Variants in ARHGAP6 observed in about 807,000 individuals in gnomAD.
ARHGAP6 encodes Rho GTPase activating protein 6.
A neutral mutation model predicts 55.7 loss-of-function variants in ARHGAP6; 16 were observed. The observed-to-expected ratio is 0.29, with a 90% CI of 0.19 to 0.44. The LOEUF is 0.44. ARHGAP6 is among the 20% of genes least tolerant of loss of function. ARHGAP6 has a pLI of 1.00. For synonymous variants in ARHGAP6, 382 were observed against 360.9 expected (o/e 1.06, Z -0.66); for missense variants, 698 against 808.9 (o/e 0.86, Z 1.66).
At chrX:11,624,896 T>C (rs1487070503) in intron 1 of ARHGAP6, among the ~76,000 whole-genome samples, 1 of 111,264 alleles carries the variant, frequency 9.0e-6, no homozygotes, top group African/African-American at 3.3e-5. Flanking sequence ...GGCCAACAGG[T>C]ATATGAAAAA....
intron 1 of ARHGAP6, among the ~76,000 whole-genome samples, chrX:11,618,728 G>A (rs1279526969): frequency 1.8e-5 from 2 of 112,248 alleles, no homozygotes; most frequent in Non-Finnish European, 3.8e-5. Context: ...TTTTCCTGTA[G>A]ATAAACAAAT....
intron 1 of ARHGAP6, among the ~76,000 whole-genome samples, chrX:11,429,719 ACATGTC>A (rs1020109717): frequency 1.3e-4 from 14 of 111,431 alleles, no homozygotes; most frequent in African/African-American, 4.2e-4. Context: ...TTGCTCTGTG[ACATGTC>A]CAGGCAGAGC....
intron 1 of ARHGAP6, among the ~76,000 whole-genome samples, chrX:11,403,303 G>A (rs2049572522): frequency 1.8e-5 from 2 of 111,282 alleles, no homozygotes; most frequent in South Asian, 7.6e-4. Context: ...TCTTTTGGTT[G>A]CTCATTCAGT....
chrX:11,573,453 C>T (rs1268796151), intron 1 of ARHGAP6, among the ~76,000 whole-genome samples: 8 of 110,259 alleles, frequency 7.3e-5, no homozygotes, highest in African/African-American at 2.3e-4. Context: ...ATCCTTTCCC[C>T]GTTGCTTGTT....
chrX:11,212,087 TCTC>T (rs2046810914), intron 2 of ARHGAP6, among the ~76,000 whole-genome samples: 1 of 111,371 alleles, frequency 9.0e-6, no homozygotes, highest in Non-Finnish European at 1.9e-5. Flanking sequence ...ACAGAATGTG[TCTC>T]CTAATTTGTT....
chrX:11,543,615 A>C (rs1254865112), intron 1 of ARHGAP6, among the ~76,000 whole-genome samples: 2 of 112,294 alleles, frequency 1.8e-5, no homozygotes, highest in African/African-American at 6.5e-5. Context: ...TGAGACCATA[A>C]AAACTCCAAA....
intron 1 of ARHGAP6, among the ~76,000 whole-genome samples, chrX:11,634,077 T>A (rs1047054567): frequency 2.3e-5 from 2 of 85,878 alleles, no homozygotes; most frequent in Non-Finnish European, 4.4e-5. Flanking sequence ...TGCTTGGCTA[T>A]TTTTTTTTTT....
chrX:11,476,389 A>T (rs1452278303), intron 1 of ARHGAP6, among the ~76,000 whole-genome samples: 1 of 111,955 alleles, frequency 8.9e-6, no homozygotes, highest in African/African-American at 3.2e-5. Context: ...TTACTGAGGA[A>T]AGAAAAAAGA....
chrX:11,395,567 T>C (rs1468215258), intron 1 of ARHGAP6, among the ~76,000 whole-genome samples: 1 of 112,122 alleles, frequency 8.9e-6, no homozygotes, highest in African/African-American at 3.2e-5. Flanking sequence ...TGCACACAAC[T>C]GGTTCTCCAG....
At chrX:11,294,631 A>C in intron 1 of ARHGAP6, 1 of 629,571 alleles carries the variant, frequency 1.6e-6, no homozygotes. Flanking sequence ...GCTGGAAATC[A>C]CATATGACTG....
At chrX:11,416,156 T>G (rs1603193363) in intron 1 of ARHGAP6, among the ~76,000 whole-genome samples, 2 of 111,620 alleles carry the variant, frequency 1.8e-5, no homozygotes, top group South Asian at 7.6e-4. Flanking sequence ...CACAGAAATA[T>G]CATGGAAGGC....
chrX:11,382,151 C>T (rs1158583382), intron 1 of ARHGAP6, among the ~76,000 whole-genome samples: 1 of 110,937 alleles, frequency 9.0e-6, no homozygotes, highest in Non-Finnish European at 1.9e-5. Flanking sequence ...ACATAATGAA[C>T]ACCTACCACC....
chrX:11,401,676 G>T (rs1047126999), intron 1 of ARHGAP6, among the ~76,000 whole-genome samples: 4 of 111,726 alleles, frequency 3.6e-5, no homozygotes, highest in African/African-American at 1.3e-4. Flanking sequence ...AGAGCTACAG[G>T]AGGGAAGCTG....
rs748266703 is a variant in ARHGAP6, at chrX:11,177,807, T to C, written c.1629+293A>G. Among the ~76,000 whole-genome samples the C allele has an allele frequency of 3.6e-5, 4 of 112,322 alleles. No homozygotes were observed. The South Asian group carries it at 1.5e-3, about 42-fold the overall frequency. ...GGTTGCAAGCACTTCTGTAGTTCAC[T>C]GTTTTTCTTCTTTACAAACGGAAGT... On this transcript the variant is annotated intron_variant, in intron 8 of 12. Transcript: ENST00000337414.
chrX:11,591,808 G>T (rs2051838340), intron 1 of ARHGAP6, among the ~76,000 whole-genome samples: 1 of 111,582 alleles, frequency 9.0e-6, no homozygotes, highest in South Asian at 3.8e-4. Flanking sequence ...ATACTTGAAA[G>T]AATAAATTAA....
chrX:11,185,142 C>CTGTGTGTG (rs3990773), intron 5 of ARHGAP6, among the ~76,000 whole-genome samples: 151 of 95,975 alleles, frequency 1.6e-3, no homozygotes, highest in Middle Eastern at 0.011. Context: ...TGGTGCATGA[C>CTGTGTGTG]TGTGTGTGTG....
intron 1 of ARHGAP6, among the ~76,000 whole-genome samples, chrX:11,280,436 G>A (rs751731099): frequency 2.7e-5 from 3 of 111,840 alleles, no homozygotes; most frequent in South Asian, 3.8e-4. Context: ...TCACTAGAGC[G>A]TGACTGAAAA....
chrX:11,376,035 A>T (rs756748784), intron 1 of ARHGAP6, among the ~76,000 whole-genome samples: 42 of 112,418 alleles, frequency 3.7e-4, no homozygotes, highest in Non-Finnish European at 6.0e-4. Flanking sequence ...AAGAAATAGT[A>T]AAAAAGGATA....
chrX:11,235,371 G>A (rs1190873321), intron 2 of ARHGAP6, among the ~76,000 whole-genome samples: 2 of 112,258 alleles, frequency 1.8e-5, no homozygotes, highest in African/African-American at 6.5e-5. Context: ...AGAGCCGGGG[G>A]GCCCTGGGCC....
Sources: allele counts gnomAD v4.1 joint callset (sites outside exome capture counted in the v4.1 genomes callset), GRCh38; gene constraint gnomAD v4.1.1; transcripts MANE v1.5; gene names NCBI Gene and HGNC (gene_info 2026-07-23, HGNC 2026-07-21).